Variants in PCDH15 observed in about 807,000 individuals in gnomAD.
The protein encoded by PCDH15 is protocadherin related 15, also known as protocadherin-15.
PCDH15 carries 129 observed loss-of-function variants against 178.5 expected under a neutral mutation model. The ratio of observed to expected loss-of-function variants is 0.72; its 90% CI spans 0.63 to 0.84. PCDH15 has a LOEUF of 0.84. PCDH15 is among the 40% of genes least tolerant of loss of function. The pLI, the probability that PCDH15 is intolerant of heterozygous loss-of-function variation, is 0.00. For synonymous variants in PCDH15, 800 were observed against 732.0 expected, an observed-to-expected ratio of 1.09 and a Z score of -1.50; for missense variants, 2,230 against 2,099.9, an observed-to-expected ratio of 1.06 and a Z score of -1.21.
At chr10:54,515,127 G>A (rs1001824085) in intron 3 of PCDH15, among the ~76,000 whole-genome samples, 3 of 152,324 alleles carry the variant, frequency 2.0e-5, no homozygotes, top group East Asian at 1.9e-4. Context: ...GACAGTGGGT[G>A]CAGGACAGTG....
chr10:55,129,132 A>G (rs1837978596), intron 2 of PCDH15, among the ~76,000 whole-genome samples: 3 of 152,236 alleles, frequency 2.0e-5, no homozygotes, highest in South Asian at 2.1e-4. Flanking sequence ...GACAGTAAGC[A>G]TTCTTGCTCT....
rs1381102772 is a variant in PCDH15 at position 54,799,247 on chromosome 10, C to T, written c.-29+1678G>A. The stretch of plus-strand genomic sequence containing the variant: ...GTGGCATAAAAACAATTTATGTCTG[C>T]CTATCTGCTGTGAAAGTTGTATAAT... On this transcript the variant is annotated intron_variant, in intron 1 of 37. Transcript: ENST00000644397. 3.9e-5 allele frequency among the ~76,000 whole-genome samples: 6 copies of T among 152,150 alleles called. No individual in the cohort carries two copies. The South Asian group carries it at 1.0e-3, about 26-fold the overall frequency.
intron 29 of PCDH15, among the ~76,000 whole-genome samples, chr10:53,839,629 A>G (rs1226079735): frequency 6.6e-6 from 1 of 152,060 alleles, no homozygotes; most frequent in Non-Finnish European, 1.5e-5. Context: ...TACAAGACCC[A>G]GTTGGACACT....
At chr10:55,128,985 A>G (rs930408346) in intron 2 of PCDH15, among the ~76,000 whole-genome samples, 1 of 152,094 alleles carries the variant, frequency 6.6e-6, no homozygotes, top group Non-Finnish European at 1.5e-5. Context: ...CTGTACATCA[A>G]TATATTTGTG....
intron 4 of PCDH15, among the ~76,000 whole-genome samples, chr10:54,375,886 T>TATATATAG (rs1565118837): frequency 7.0e-6 from 1 of 143,308 alleles, no homozygotes; most frequent in African/African-American, 2.6e-5. Context: ...ACGGAATATA[T>TATATATAG]ATATATATAT....
At chr10:54,120,135 T>C (rs1180390401) in intron 15 of PCDH15, among the ~76,000 whole-genome samples, 1 of 152,120 alleles carries the variant, frequency 6.6e-6, no homozygotes, top group Non-Finnish European at 1.5e-5. Flanking sequence ...AGAAAGCAAA[T>C]TCCAACCAAG....
At chr10:54,891,268 T>C (rs1185376408) in intron 3 of PCDH15, among the ~76,000 whole-genome samples, 5 of 151,966 alleles carry the variant, frequency 3.3e-5, no homozygotes, top group Non-Finnish European at 7.4e-5. Context: ...AGAGAAAAAA[T>C]AGGCAAATTC....
chr10:55,115,731 T>G (rs537001697), intron 2 of PCDH15, among the ~76,000 whole-genome samples: 1 of 152,214 alleles, frequency 6.6e-6, no homozygotes, highest in Non-Finnish European at 1.5e-5. Flanking sequence ...ATCTGCCATG[T>G]CACTATAACA....
intron 2 of PCDH15, among the ~76,000 whole-genome samples, chr10:54,575,705 AAAG>A (rs2090404007): frequency 6.6e-6 from 1 of 152,214 alleles, no homozygotes; most frequent in East Asian, 1.9e-4. Flanking sequence ...AAAGCAAAGA[AAAG>A]AAATATCAGA....
rs112021301 is a variant in PCDH15, at chr10:54,354,008, C to T, written c.475-7524G>A. Among the ~76,000 whole-genome samples, 1,157 of 152,054 alleles carry T rather than the reference C, an allele frequency of 7.6e-3. 13 individuals are homozygous for T. Among genetic ancestry groups the T allele is most frequent in the African/African-American group, 0.026 (1,091 of 41,490 alleles). On this transcript the variant is annotated intron_variant, in intron 5 of 37. Transcript: ENST00000644397. ...ATCTATTTATTTATTTTTGAGATGA[C>T]GAGTTTCGCTCTTGTTGGCCAGGCT...
intron 2 of PCDH15, among the ~76,000 whole-genome samples, chr10:55,414,343 G>A (rs1381077721): frequency 1.3e-5 from 2 of 151,506 alleles, no homozygotes; most frequent in East Asian, 1.9e-4. Flanking sequence ...CCGATGAAGA[G>A]TAGTTCTTAA....
intron 26 of PCDH15, among the ~76,000 whole-genome samples, chr10:53,889,973 G>A (rs1589269639): frequency 6.6e-6 from 1 of 152,184 alleles, no homozygotes; most frequent in Non-Finnish European, 1.5e-5. Flanking sequence ...ACGGGGATGT[G>A]GAGCAGGAAC....
chr10:54,675,659 T>C (rs985946265), intron 1 of PCDH15, among the ~76,000 whole-genome samples: 3 of 152,128 alleles, frequency 2.0e-5, no homozygotes, highest in African/African-American at 7.2e-5. Context: ...AGGTCAAATA[T>C]TTTGCGATAA....
At chr10:55,333,688 T>G (rs1239770343) in intron 2 of PCDH15, among the ~76,000 whole-genome samples, 1 of 152,050 alleles carries the variant, frequency 6.6e-6, no homozygotes, top group Non-Finnish European at 1.5e-5. Context: ...AAACAAGATT[T>G]GTCATGATCT....
At chr10:55,125,052 G>A (rs909196333) in intron 2 of PCDH15, among the ~76,000 whole-genome samples, 3 of 151,716 alleles carry the variant, frequency 2.0e-5, no homozygotes, top group African/African-American at 7.3e-5. Flanking sequence ...GATACTGATG[G>A]GACTAAATTT....
intron 3 of PCDH15, among the ~76,000 whole-genome samples, chr10:54,453,514 G>A (rs1480719840): frequency 1.3e-5 from 2 of 151,936 alleles, no homozygotes; most frequent in African/African-American, 4.8e-5. Context: ...TGGGGTTAGG[G>A]GAGGGGGTAG....
At chr10:54,493,256 T>C (rs1299914655) in intron 3 of PCDH15, among the ~76,000 whole-genome samples, 1 of 151,952 alleles carries the variant, frequency 6.6e-6, no homozygotes, top group African/African-American at 2.4e-5. Flanking sequence ...CTGGGGGTCT[T>C]GGGATATATT....
chr10:54,048,078 T>C (rs534382700), intron 18 of PCDH15, among the ~76,000 whole-genome samples: 1 of 152,290 alleles, frequency 6.6e-6, no homozygotes, highest in Non-Finnish European at 1.5e-5. Flanking sequence ...CTGTTATCTT[T>C]TGACTTTTTA....
At chr10:54,561,386 TAA>T (rs1369620133) in intron 2 of PCDH15, among the ~76,000 whole-genome samples, 1 of 152,174 alleles carries the variant, frequency 6.6e-6, no homozygotes, top group East Asian at 1.9e-4. Flanking sequence ...GCAAGATATG[TAA>T]TATCTATCAA....
Sources: allele counts gnomAD v4.1 joint callset (sites outside exome capture counted in the v4.1 genomes callset), GRCh38; gene constraint gnomAD v4.1.1; transcripts MANE v1.5; gene names NCBI Gene and HGNC (gene_info 2026-07-23, HGNC 2026-07-21).